The following HMCN1 variants were observed in gnomAD, a reference collection of about 807,000 sequenced individuals.
HMCN1 encodes hemicentin 1, also known as hemicentin-1.
A neutral mutation model predicts 625.9 loss-of-function variants in HMCN1; 321 were observed. The observed-to-expected ratio is 0.51, with a 90% CI of 0.47 to 0.56. HMCN1 has a LOEUF of 0.56. Ranked by LOEUF, HMCN1 falls within the 20% of genes least tolerant of loss-of-function variation. HMCN1 has a pLI of 0.00. For synonymous variants in HMCN1, 2,425 were observed against 2,417.6 expected (o/e 1.00, Z -0.09); for missense variants, 6,588 against 6,887.3 (o/e 0.96, Z 1.54).
chr1:186,009,427 C>T (rs1374490189), intron 30 of HMCN1, among the ~76,000 whole-genome samples: 5 of 152,002 alleles, frequency 3.3e-5, no homozygotes, highest in African/African-American at 1.2e-4. Flanking sequence ...CAATGCTCGC[C>T]TGCATCTCTT....
At chr1:186,108,992 C>CT (rs1489299967) in intron 71 of HMCN1, among the ~76,000 whole-genome samples, 3 of 152,194 alleles carry the variant, frequency 2.0e-5, no homozygotes, top group African/African-American at 7.2e-5. Flanking sequence ...TTTCCCTTGT[C>CT]TAAGCTTGGA....
At chr1:186,102,447 C>G (rs922471084) in intron 68 of HMCN1, among the ~76,000 whole-genome samples, 7 of 151,926 alleles carry the variant, frequency 4.6e-5, no homozygotes, top group African/African-American at 7.3e-5. Flanking sequence ...TTTTTAAAAC[C>G]TTTAATTGTA....
At chr1:185,994,738 A>C in intron 23 of HMCN1, 77 bp from the exon 24 acceptor site, 2 of 1,390,880 alleles carry the variant, frequency 1.4e-6, no homozygotes, top group Non-Finnish European at 2.0e-6. Context: ...GCCTGTTGAT[A>C]AGGAGCTCTC....
At chr1:185,896,922 T>C (rs1468262649) in intron 4 of HMCN1, among the ~76,000 whole-genome samples, 1 of 152,222 alleles carries the variant, frequency 6.6e-6, no homozygotes, top group Non-Finnish European at 1.5e-5. Context: ...ATTTCAAATA[T>C]ACCTTGATGC....
At chr1:186,162,796 G>A (rs939204146) in intron 97 of HMCN1, among the ~76,000 whole-genome samples, 7 of 152,092 alleles carry the variant, frequency 4.6e-5, no homozygotes, top group Non-Finnish European at 7.4e-5. Context: ...AGGAGTACCC[G>A]GCCCTGTGAG....
At chr1:186,049,306 T>C (rs904154339) in intron 42 of HMCN1, among the ~76,000 whole-genome samples, 40 of 152,092 alleles carry the variant, frequency 2.6e-4, no homozygotes, top group African/African-American at 8.9e-4. Flanking sequence ...TACCATTTGT[T>C]ACTAATTAAG....
At chr1:186,085,462 T>C (rs1172318666) in intron 57 of HMCN1, among the ~76,000 whole-genome samples, 1 of 152,096 alleles carries the variant, frequency 6.6e-6, no homozygotes, top group African/African-American at 2.4e-5. Context: ...TGGCTCTTGT[T>C]AAGGACACTA....
chr1:186,088,033 A>G lies in HMCN1; in HGVS notation c.9445+20A>G. ...TATATGGTGAGCATTTGCCTCTAAT[A>G]CAACTCTTTTTCCCCTAGATATGCA... On this transcript the variant is annotated intron_variant, in intron 61 of 106. Coordinates refer to ENST00000271588, the MANE Select transcript of HMCN1 (RefSeq NM_031935.3). The G allele has an allele frequency of 6.2e-7, 1 of 1,612,386 alleles. No homozygotes were observed. Among genetic ancestry groups the G allele is most frequent in the Non-Finnish European group, 8.5e-7 (1 of 1,178,774 alleles).
intron 1 of HMCN1, among the ~76,000 whole-genome samples, chr1:185,741,109 C>T (rs567976599): frequency 1.8e-4 from 28 of 152,298 alleles, no homozygotes; most frequent in Admixed American, 1.0e-3. Context: ...GCCCCACCTC[C>T]CTTCCATCAT....
At chr1:186,046,661 C>T (rs1656595587) in intron 41 of HMCN1, among the ~76,000 whole-genome samples, 1 of 151,890 alleles carries the variant, frequency 6.6e-6, no homozygotes, top group East Asian at 1.9e-4. Flanking sequence ...CTCTGGTTGC[C>T]AGGATTAGTG....
chr1:185,857,812 C>G (rs1194726589), intron 2 of HMCN1, among the ~76,000 whole-genome samples: 2 of 151,968 alleles, frequency 1.3e-5, no homozygotes, highest in African/African-American at 4.8e-5. Context: ...AATGGAACAC[C>G]TACTAAGTAC....
intron 102 of HMCN1, among the ~76,000 whole-genome samples, chr1:186,172,503 ATAAT>A: frequency 6.6e-6 from 1 of 152,360 alleles, no homozygotes; most frequent in South Asian, 2.1e-4. Context: ...AATTCAAAAT[ATAAT>A]TATTTTGGAG....
chr1:186,087,949 G>C lies in HMCN1; in HGVS notation c.9381G>C (p.Gln3127His), dbSNP rs867741034. The C allele has an allele frequency of 1.9e-6, 3 of 1,612,766 alleles. No individual in the cohort carries two copies. Among genetic ancestry groups the C allele is most frequent in the Admixed American group, 1.7e-5 (1 of 59,848 alleles). Reference sequence around the variant, plus strand: ...TCTTTTAGGTATCTGACACAGGCCAGTATGTATGTAGAGCTATAAATGTAG... The same window carrying C: ...TCTTTTAGGTATCTGACACAGGCCACTATGTATGTAGAGCTATAAATGTAG... Reference protein sequence around the residue: ...IKKAEVSDTGQYVCRAINVAG... With the variant: ...IKKAEVSDTGHYVCRAINVAG... Residue 3127 changes from glutamine to histidine, a missense_variant, in exon 61 of 107, where the codon CAG (glutamine) becomes CAC (histidine). By Grantham distance (24) the Gln-to-His change is conservative (BLOSUM62 0). This residue lies in a region of HMCN1 where 4,628 missense variants were observed against 4,853.1 expected (regional missense o/e 0.95). Transcript: ENST00000271588.
intron 36 of HMCN1, among the ~76,000 whole-genome samples, chr1:186,033,298 A>G (rs554204829): frequency 6.6e-6 from 1 of 152,266 alleles, no homozygotes; most frequent in Non-Finnish European, 1.5e-5. Flanking sequence ...TTCAGGGGGA[A>G]GTGTGATGAG....
At chr1:185,842,790 G>C (rs796515918) in intron 1 of HMCN1, among the ~76,000 whole-genome samples, 17 of 152,030 alleles carry the variant, frequency 1.1e-4, no homozygotes, top group African/African-American at 3.6e-4. Context: ...GCTGGGTACT[G>C]TGTGCATCAA....
chr1:186,121,244 T>C (rs964240210), intron 80 of HMCN1, among the ~76,000 whole-genome samples: 1 of 152,188 alleles, frequency 6.6e-6, no homozygotes, highest in African/African-American at 2.4e-5. Context: ...TGGCATGATG[T>C]ACCCTAAGAT....
At chr1:186,082,325 C>G (rs904386382) in intron 56 of HMCN1, among the ~76,000 whole-genome samples, 13 of 152,156 alleles carry the variant, frequency 8.5e-5, no homozygotes, top group African/African-American at 2.9e-4. Flanking sequence ...CCGGATGTGG[C>G]CTTGGCTGGG....
At chr1:186,113,441 C>T (rs1476192896) in intron 72 of HMCN1, among the ~76,000 whole-genome samples, 1 of 152,150 alleles carries the variant, frequency 6.6e-6, no homozygotes, top group African/African-American at 2.4e-5. Context: ...TAAAATTTTA[C>T]AGAATATTGG....
In HMCN1 at chr1:186,166,429, A is replaced by G. The variant is rs906845251; in HGVS notation, c.15439+126A>G. 13 of 1,203,444 alleles carry G rather than the reference A, an allele frequency of 1.1e-5. No individual in the cohort carries two copies. In the African/African-American group the frequency reaches 2.0e-4, roughly 18 times the overall value. 74.5% of individuals were successfully genotyped at this position (1,203,444 alleles called of 1,614,324 possible). On this transcript the variant is annotated intron_variant, in intron 99 of 106. Coordinates refer to ENST00000271588, the MANE Select transcript of HMCN1 (RefSeq NM_031935.3). ...GCCCACACCTTGGCAACAAACAAAGAAGGTCTCCATTGGGCTGAGAAAGTA... is the reference window on the plus strand; with the variant it reads ...GCCCACACCTTGGCAACAAACAAAGGAGGTCTCCATTGGGCTGAGAAAGTA...
Sources: allele counts gnomAD v4.1 joint callset (sites outside exome capture counted in the v4.1 genomes callset), GRCh38; gene constraint gnomAD v4.1.1; regional missense constraint gnomAD v4.1.1; transcripts MANE v1.5; gene names NCBI Gene and HGNC (gene_info 2026-07-23, HGNC 2026-07-21).